The following TENM1 variants were observed in gnomAD, a reference collection of about 807,000 sequenced individuals.
TENM1 encodes the protein teneurin-1.
TENM1 carries 35 observed loss-of-function variants against 174.8 expected under a neutral mutation model. That is an observed-to-expected ratio of 0.20 (90% confidence interval 0.15 to 0.27). The LOEUF (loss-of-function observed/expected upper bound fraction) is 0.27. TENM1 is among the 10% of genes least tolerant of loss of function. The pLI, the probability that TENM1 is intolerant of heterozygous loss-of-function variation, is 1.00. For missense variants in TENM1, 1,633 were observed against 2,130.1 expected (o/e 0.77, Z 4.59); for synonymous variants, 781 against 798.7 (o/e 0.98, Z 0.37).
intron 11 of TENM1, among the ~76,000 whole-genome samples, chrX:124,623,816 T>C (rs1277502638): frequency 8.9e-6 from 1 of 111,831 alleles, no homozygotes; most frequent in Non-Finnish European, 1.9e-5. Context: ...GTCAAAGCGA[T>C]TGAGGATACT....
chrX:124,929,526 G>A (rs983397937), intron 1 of TENM1, among the ~76,000 whole-genome samples: 2 of 111,877 alleles, frequency 1.8e-5, no homozygotes, highest in African/African-American at 3.3e-5. Flanking sequence ...ATAAGCCTCT[G>A]GCATAAATTG....
chrX:124,970,057 T>A, the TENM1 span, among the ~76,000 whole-genome samples: 3,923 of 111,882 alleles, frequency 0.035, 180 homozygotes, highest in African/African-American at 0.12. Context: ...TCCAATCTAC[T>A]GTAGCATAGC....
At chrX:124,791,026 G>T (rs2147202950) in intron 3 of TENM1, among the ~76,000 whole-genome samples, 1 of 111,503 alleles carries the variant, frequency 9.0e-6, no homozygotes, top group East Asian at 2.8e-4. Flanking sequence ...TAAAATTTAG[G>T]CAAGCAGAAA....
chrX:124,620,792 C>G (rs1364506865), intron 11 of TENM1, among the ~76,000 whole-genome samples: 1 of 111,930 alleles, frequency 8.9e-6, no homozygotes, highest in African/African-American at 3.3e-5. Context: ...TTACATAGAG[C>G]CTGAGTCAAG....
intron 1 of TENM1, among the ~76,000 whole-genome samples, chrX:124,901,657 T>C (rs1186405027): frequency 3.6e-5 from 4 of 110,712 alleles, no homozygotes; most frequent in Non-Finnish European, 7.6e-5. Context: ...TTAAAATTAT[T>C]TGTAGAGAAG....
At chrX:124,959,506 C>T (rs1236627913) in intron 1 of TENM1, among the ~76,000 whole-genome samples, 6 of 110,916 alleles carry the variant, frequency 5.4e-5, no homozygotes, top group Admixed American at 3.8e-4. Flanking sequence ...CTTCTATACA[C>T]TCTCCCTGGG....
chrX:125,093,063 T>C, the TENM1 span, among the ~76,000 whole-genome samples: 1 of 112,022 alleles, frequency 8.9e-6, no homozygotes, highest in Non-Finnish European at 1.9e-5. Context: ...GTGTATTCTG[T>C]ATGGAATGGG....
intron 27 of TENM1, among the ~76,000 whole-genome samples, chrX:124,400,415 A>T (rs1311389274): frequency 8.9e-6 from 1 of 111,982 alleles, no homozygotes; most frequent in Non-Finnish European, 1.9e-5. Context: ...CTCACATCTG[A>T]ACACTCACGT....
intron 11 of TENM1, among the ~76,000 whole-genome samples, chrX:124,582,550 A>G (rs1428415535): frequency 8.9e-6 from 1 of 111,978 alleles, no homozygotes; most frequent in Non-Finnish European, 1.9e-5. Flanking sequence ...ATTGGTATAT[A>G]GAAATGCTAC....
intron 5 of TENM1, among the ~76,000 whole-genome samples, chrX:124,703,368 G>A (rs768786250): frequency 2.7e-5 from 3 of 111,895 alleles, no homozygotes; most frequent in Admixed American, 9.5e-5. Context: ...CTGATGAAAT[G>A]AATAAACATA....
the TENM1 span, among the ~76,000 whole-genome samples, chrX:125,115,913 C>T: frequency 7.6e-4 from 84 of 110,172 alleles, 1 homozygote; most frequent in African/African-American, 2.4e-3. Flanking sequence ...TCATATGGAA[C>T]GAGAAAAGAG....
At chrX:124,753,378 G>A (rs1302663637) in intron 3 of TENM1, among the ~76,000 whole-genome samples, 1 of 104,351 alleles carries the variant, frequency 9.6e-6, no homozygotes, top group Non-Finnish European at 2.0e-5. Flanking sequence ...TCAGCTTAAG[G>A]AGATTTTGGG....
rs201815454 is a variant in TENM1, at chrX:124,551,528, C to A, written c.2435-4438G>T. ...TTAAGTGTTCTTAACACACACACACCCACACACACACACACACACACACAC... is the reference window on the plus strand; with the variant it reads ...TTAAGTGTTCTTAACACACACACACACACACACACACACACACACACACAC... On this transcript the variant is annotated intron_variant, in intron 14 of 31. Coordinates refer to ENST00000422452, the Ensembl canonical transcript of TENM1. 1.2e-4 allele frequency among the ~76,000 whole-genome samples: 12 copies of A among 101,795 alleles called. No individual in the cohort carries two copies. In the South Asian group the frequency reaches 2.3e-3, roughly 19 times the overall value. The allele number at this position is 101,795 out of a possible 115,157, so 88.4% of individuals were successfully genotyped here.
chrX:125,060,145 C>T, the TENM1 span, among the ~76,000 whole-genome samples: 4 of 101,198 alleles, frequency 4.0e-5, no homozygotes, highest in Admixed American at 3.3e-4. Context: ...CCCCAACTTT[C>T]GCTCTCTCTC....
At chrX:124,966,978 C>CACATA (rs1219511737), upstream of TENM1, among the ~76,000 whole-genome samples, 19 of 111,184 alleles carry the variant, frequency 1.7e-4, no homozygotes, top group Non-Finnish European at 3.2e-4. Context: ...GACATAGTCT[C>CACATA]GGCCCCTGAG....
At chrX:124,865,119 G>C (rs1166535925) in intron 3 of TENM1, among the ~76,000 whole-genome samples, 5 of 111,774 alleles carry the variant, frequency 4.5e-5, no homozygotes, top group Non-Finnish European at 1.9e-5. Context: ...GCTAAAGGGA[G>C]TACTTCAATC....
At chrX:124,482,139 ATG>A (rs2147937998) in intron 21 of TENM1, among the ~76,000 whole-genome samples, 175 bp from the exon 25 acceptor site, 2 of 110,852 alleles carry the variant, frequency 1.8e-5, no homozygotes, top group East Asian at 5.7e-4. Context: ...GGGTCTAGGT[ATG>A]AAACAAATCT....
intron 18 of TENM1, among the ~76,000 whole-genome samples, chrX:124,508,964 G>A (rs181703459): frequency 1.1e-4 from 12 of 111,444 alleles, no homozygotes; most frequent in African/African-American, 3.6e-4. Flanking sequence ...ACCTCTTGTT[G>A]ACAGGCAGTT....
At chrX:124,848,191 T>A (rs185313031) in intron 3 of TENM1, among the ~76,000 whole-genome samples, 5 of 111,446 alleles carry the variant, frequency 4.5e-5, no homozygotes, top group South Asian at 3.7e-4. Context: ...CATGCAGGTA[T>A]GTGTGCATAA....
Sources: allele counts gnomAD v4.1 joint callset (sites outside exome capture counted in the v4.1 genomes callset), GRCh38; gene constraint gnomAD v4.1.1; transcripts MANE v1.5; gene names NCBI Gene and HGNC (gene_info 2026-07-23, HGNC 2026-07-21).